The following PRR3 variants were observed in gnomAD, a reference collection of about 807,000 sequenced individuals.
PRR3 encodes proline-rich protein 3.
A neutral mutation model predicts 22.4 loss-of-function variants in PRR3; 16 were observed. That is an observed-to-expected ratio of 0.71 (90% CI 0.48 to 1.09). The LOEUF is 1.09. Among genes scored for constraint, PRR3 ranks in the 50% least tolerant of loss-of-function variants. The probability of loss-of-function intolerance (pLI) is 0.00; values close to 1 mark genes in which losing one functional copy is unlikely to be tolerated. For synonymous variants in PRR3, 87 were observed against 88.6 expected (o/e 0.98, Z 0.10); for missense variants, 224 against 243.4 (o/e 0.92, Z 0.53).
intron 1 of PRR3, 24 bp downstream of exon 1, chr6:30,557,474 C>T: frequency 1.3e-6 from 2 of 1,539,528 alleles, no homozygotes; most frequent in Non-Finnish European, 1.8e-6. Flanking sequence ...GAGGGATGTG[C>T]ACATGCCTGT....
intron 2 of PRR3, among the ~76,000 whole-genome samples, chr6:30,559,064 A>C (rs1310766631): frequency 6.6e-6 from 1 of 152,232 alleles, no homozygotes; most frequent in African/African-American, 2.4e-5. Flanking sequence ...AAAGATTGAT[A>C]AATTGAACTC....
intron 1 of PRR3, 53 bp downstream of exon 1, chr6:30,557,503 G>A (rs1800332844): frequency 7.8e-6 from 10 of 1,278,024 alleles, no homozygotes; most frequent in Non-Finnish European, 1.0e-5. Flanking sequence ...TCCGGGCAAG[G>A]GGCTAGGGGC....
At chr6:30,556,821 C>G, upstream of PRR3, 1 of 514,302 alleles carries the variant, frequency 1.9e-6, no homozygotes. This position sits in a 1 kb window ranked among gnomAD's most constrained non-coding sequence, Gnocchi z 5.7. Context: ...GACCCAAATT[C>G]CTTGTGGGAA....
In PRR3 at chr6:30,557,296, C is replaced by T. The variant is rs1281248699; in HGVS notation, c.-49C>T. 1 of 1,449,132 alleles carries T rather than the reference C, an allele frequency of 6.9e-7. No homozygotes were observed. The allele number at this position is 1,449,132 out of a possible 1,614,324, so 89.8% of individuals were successfully genotyped here. A position where few individuals can be genotyped will look rare whatever the true frequency, so the allele number is the denominator to read the frequency against. ...AGCGGAAACAGAATCCCCGCGTGCC[C>T]CTTCCTCACTACCCTCCAAATCCCG... On this transcript the variant is annotated 5_prime_UTR_variant, in exon 1 of 4. Transcript: ENST00000376560.
At chr6:30,559,149 G>A (rs1053762515) in intron 2 of PRR3, among the ~76,000 whole-genome samples, 1 of 152,096 alleles carries the variant, frequency 6.6e-6, no homozygotes, top group African/African-American at 2.4e-5. Context: ...AGGCCGAGGC[G>A]GGCGAATCAC....
chr6:30,558,356 T>A, intron 2 of PRR3, 144 bp downstream of exon 2: 1 of 666,620 alleles, frequency 1.5e-6, no homozygotes, highest in Non-Finnish European at 2.6e-6. Flanking sequence ...TTTGCTGATT[T>A]AAAAACTCAA....
chr6:30,557,511 G>T, intron 1 of PRR3, 61 bp downstream of exon 1: 1 of 1,207,510 alleles, frequency 8.3e-7, no homozygotes, highest in Admixed American at 2.1e-5. Flanking sequence ...AGGGGCTAGG[G>T]GCTAATAAGG....
chr6:30,561,589 A>C lies in PRR3; in HGVS notation c.170-245A>C. ...AGGATAGTGGTTACCTTTGGGGAGG[A>C]GGGTGGGTAATGGGAAAAGGGGCAC... On this transcript the variant is annotated intron_variant, in intron 2 of 3. Transcript: ENST00000376560. The surrounding 1 kb of genome is among the most constrained non-coding windows in gnomAD (Gnocchi z 4.0). The C allele has an allele frequency of 1.7e-6, 1 of 599,872 alleles. No homozygotes were observed. Among genetic ancestry groups the C allele is most frequent in the Non-Finnish European group, 3.0e-6 (1 of 337,892 alleles). The allele number at this position is 599,872 out of a possible 1,614,324, so 37.2% of individuals were successfully genotyped here.
chr6:30,561,583 G>A lies in PRR3; in HGVS notation c.170-251G>A, dbSNP rs1381358806. On this transcript the variant is annotated intron_variant, in intron 2 of 3. Coordinates refer to ENST00000376560, the MANE Select transcript of PRR3 (RefSeq NM_025263.4). The surrounding 1 kb of genome is among the most constrained non-coding windows in gnomAD (Gnocchi z 4.0). Reference sequence around the variant, plus strand: ...GGTGTCAGGATAGTGGTTACCTTTGGGGAGGAGGGTGGGTAATGGGAAAAG... The same window carrying A: ...GGTGTCAGGATAGTGGTTACCTTTGAGGAGGAGGGTGGGTAATGGGAAAAG... The A allele has an allele frequency of 1.7e-6, 1 of 601,118 alleles. No individual in the cohort carries two copies. The highest frequency in any genetic ancestry group is 3.0e-6 in the Non-Finnish European group (1 of 338,314). 37.2% of individuals were successfully genotyped at this position (601,118 alleles called of 1,614,324 possible).
Position 30,561,695 on chromosome 6 carries a change from G to GA in PRR3, c.170-137dup, listed in dbSNP as rs1800638481. On this transcript the variant is annotated intron_variant, in intron 2 of 3. Coordinates refer to ENST00000376560, the MANE Select transcript of PRR3 (RefSeq NM_025263.4). This position sits in a 1 kb window ranked among gnomAD's most constrained non-coding sequence, Gnocchi z 4.0. ...AAACTCAAGTGTGTCTACTTTGTGA[G>GA]AACTGGGTTGTGCACTTAAAACTGG... 2.5e-5 allele frequency: 18 copies of GA among 728,172 alleles called. No individual in the cohort carries two copies. Among genetic ancestry groups the GA allele is most frequent in the Non-Finnish European group, 2.2e-5 (10 of 456,196 alleles). The allele number at this position is 728,172 out of a possible 1,614,324, so 45.1% of individuals were successfully genotyped here. A position where few individuals can be genotyped will look rare whatever the true frequency, so the allele number is the denominator to read the frequency against.
Position 30,562,492 on chromosome 6 carries a change from G to T in PRR3, c.564G>T (p.Leu188=), listed in dbSNP as rs780498594. The change falls in exon 4 of 4, where the codon CTG becomes CTT. Residue 188 remains leucine, a synonymous_variant. Transcript: ENST00000376560. ...ATCCAGGCGTCAATGGACCTCCTCT[G>T]TGAGACTGTGCCTTCCCATCCAGGC... The part of the protein sequence containing the change: ...FYHPGVNGPP[L] 1.9e-6 allele frequency: 3 copies of T among 1,586,998 alleles called. No homozygotes were observed. Among genetic ancestry groups the T allele is most frequent in the Non-Finnish European group, 2.6e-6 (3 of 1,155,736 alleles).
Position 30,558,228 on chromosome 6 carries a change from C to T in PRR3, c.169+16C>T, listed in dbSNP as rs1338519237. On this transcript the variant is annotated intron_variant, in intron 2 of 3. Coordinates refer to ENST00000376560, the MANE Select transcript of PRR3 (RefSeq NM_025263.4). Reference sequence around the variant, plus strand: ...CCTAAGTCAGGTGAGGAGGAAGGGGCCCTGATCCTTGTATTAGGTCGTAGA... The same window carrying T: ...CCTAAGTCAGGTGAGGAGGAAGGGGTCCTGATCCTTGTATTAGGTCGTAGA... 1.2e-6 allele frequency: 2 copies of T among 1,609,744 alleles called. No individual in the cohort carries two copies. Among genetic ancestry groups the T allele is most frequent in the Non-Finnish European group, 1.7e-6 (2 of 1,177,040 alleles).
At chr6:30,558,719 T>G (rs1800421742) in intron 2 of PRR3, among the ~76,000 whole-genome samples, 1 of 152,136 alleles carries the variant, frequency 6.6e-6, no homozygotes, top group Non-Finnish European at 1.5e-5. Flanking sequence ...ACGATGCAGT[T>G]TGGAAACAAT....
In PRR3 at chr6:30,562,090, CT is replaced by C; in HGVS notation, c.427del (p.Cys143AlafsTer62). 1.9e-6 allele frequency: 3 copies of C among 1,604,822 alleles called. No homozygotes were observed. Among genetic ancestry groups the C allele is most frequent in the Non-Finnish European group, 2.6e-6 (3 of 1,175,924 alleles). On this transcript the variant is annotated frameshift_variant, in exon 3 of 4. Coordinates refer to ENST00000376560, the MANE Select transcript of PRR3 (RefSeq NM_025263.4). LOFTEE classifies it high-confidence loss of function. ...LKSWSLIKNT[C>X]PPKDDPQVME... Reference sequence around the variant, plus strand: ...AAAGCTGGTCTCTTATCAAGAATACCTGCCCGCCCAAGGATGACCCCCAGGT... The same window carrying C: ...AAAGCTGGTCTCTTATCAAGAATACCGCCCGCCCAAGGATGACCCCCAGGT...
intron 2 of PRR3, chr6:30,560,573 AG>A (rs1406904669): frequency 6.6e-6 from 1 of 151,878 alleles, no homozygotes; most frequent in African/African-American, 2.4e-5. Flanking sequence ...TCATGAGATC[AG>A]GAATTCAAGA....
upstream of PRR3, chr6:30,556,749 G>T: frequency 2.5e-6 from 1 of 404,618 alleles, no homozygotes; most frequent in Non-Finnish European, 4.6e-6. This position sits in a 1 kb window ranked among gnomAD's most constrained non-coding sequence, Gnocchi z 5.7. Context: ...TACACCGGGG[G>T]CACGGTCAGA....
chr6:30,560,697 C>G (rs1220602958), intron 2 of PRR3: 6 of 151,006 alleles, frequency 4.0e-5, no homozygotes, highest in Non-Finnish European at 8.9e-5. Context: ...GCAGGAGAAT[C>G]ACTTGAACCC....
intron 3 of PRR3, 113 bp downstream of exon 3, chr6:30,562,237 A>G (rs543294422): frequency 1.3e-4 from 169 of 1,275,248 alleles, no homozygotes; most frequent in Non-Finnish European, 1.8e-4. Flanking sequence ...GTAGACCTCA[A>G]TGTTATTTCT....
At position 30,563,314 on chromosome 6, in the gene PRR3, C is replaced by T. The variant is rs753293201; in HGVS notation, c.*819C>T. 4 of 152,700 alleles carry T rather than the reference C, an allele frequency of 2.6e-5. No individual in the cohort carries two copies. The highest frequency in any genetic ancestry group is 5.9e-5 in the Non-Finnish European group (4 of 68,076). 9.5% of individuals were successfully genotyped at this position (152,700 alleles called of 1,614,324 possible). A position where few individuals can be genotyped will look rare whatever the true frequency, so the allele number is the denominator to read the frequency against. On this transcript the variant is annotated 3_prime_UTR_variant, in exon 4 of 4. Transcript: ENST00000376560. ...CCCCATTCTTCTCCTGTTGGTTATT[C>T]TGAGTCTGACACAGACCCATGACAT...
Sources: allele counts gnomAD v4.1 joint callset (sites outside exome capture counted in the v4.1 genomes callset), GRCh38; gene constraint gnomAD v4.1.1; non-coding constraint Gnocchi (gnomAD v3.1); transcripts MANE v1.5; gene names NCBI Gene and HGNC (gene_info 2026-07-23, HGNC 2026-07-21).